The following YIPF1 variants were observed in gnomAD, a reference collection of about 807,000 sequenced individuals.
YIPF1 encodes the protein Yip1 domain family member 1.
In YIPF1, 22 loss-of-function variants were observed where a neutral mutation model predicts 37.0. The ratio of observed to expected loss-of-function variants is 0.59; its 90% CI spans 0.42 to 0.85. YIPF1 has a LOEUF of 0.85. Among genes scored for constraint, YIPF1 ranks in the 40% least tolerant of loss-of-function variants. The pLI is 0.00. For synonymous variants in YIPF1, 128 were observed against 131.9 expected (o/e 0.97, Z 0.21); for missense variants, 355 against 373.1 (o/e 0.95, Z 0.40).
At chr1:53,884,245 A>AAC (rs1484794655) in intron 3 of YIPF1, among the ~76,000 whole-genome samples, 3 of 151,388 alleles carry the variant, frequency 2.0e-5, no homozygotes, top group African/African-American at 7.3e-5. Context: ...AAAAAAAAAA[A>AAC]AAAAAACCCA....
In YIPF1 at chr1:53,871,377, C is replaced by T. The variant is rs141644838; in HGVS notation, c.476G>A (p.Arg159Gln). 211 of 1,612,926 alleles carry T rather than the reference C, an allele frequency of 1.3e-4. No homozygotes were observed. Among genetic ancestry groups the T allele is most frequent in the Non-Finnish European group, 1.7e-4 (197 of 1,179,440 alleles). ...GAGTCAAGCTATTCACCAACCTTTT[C>T]GGAATTCGGGCACATAATGGTACGT... ...EKTYHYVPEF[R>Q]KVSIAATIIY... The change falls in exon 7 of 11, where the codon CGA (arginine) becomes CAA (glutamine). Residue 159 changes from arginine (R) to glutamine (Q), a missense_variant. Arg to Gln is a conservative substitution (Grantham distance 43). Coordinates refer to ENST00000072644, the MANE Select transcript of YIPF1 (RefSeq NM_018982.5).
chr1:53,866,866 C>G lies in YIPF1; in HGVS notation c.540G>C (p.Trp180Cys). ...TGCTGTTTCTCCACATGAGGAAACC[C>G]CAGAGTGCAAGAGGAACCAGCCAGG... Reference protein sequence around the residue: ...AYAWLVPLALWGFLMWRNSKV... With the variant: ...AYAWLVPLALCGFLMWRNSKV... The change falls in exon 8 of 11, where the codon TGG becomes TGC. Residue 180 changes from tryptophan to cysteine, a missense_variant. Coordinates refer to ENST00000072644, the MANE Select transcript of YIPF1 (RefSeq NM_018982.5). 6.2e-7 allele frequency: 1 copy of G among 1,614,090 alleles called. No individual in the cohort carries two copies. The highest frequency in any genetic ancestry group is 8.5e-7 in the Non-Finnish European group (1 of 1,180,022).
intron 3 of YIPF1, among the ~76,000 whole-genome samples, chr1:53,885,403 G>C (rs1650618120): frequency 6.6e-6 from 1 of 152,190 alleles, no homozygotes. Context: ...AGCTACTTGG[G>C]ACGCTGAGGC....
intron 3 of YIPF1, among the ~76,000 whole-genome samples, chr1:53,885,775 A>T (rs1200386299): frequency 6.8e-6 from 1 of 147,614 alleles, no homozygotes; most frequent in Non-Finnish European, 1.5e-5. Flanking sequence ...ATCTGAGATC[A>T]TGTCACTGCA....
intron 10 of YIPF1, among the ~76,000 whole-genome samples, chr1:53,858,898 A>G (rs1035266586): frequency 1.3e-5 from 2 of 152,138 alleles, no homozygotes; most frequent in African/African-American, 4.8e-5. Flanking sequence ...GGCCTCCCAG[A>G]GTGCTGGGAT....
chr1:53,855,116 G>A (rs771582132), intron 10 of YIPF1: 5 of 150,934 alleles, frequency 3.3e-5, no homozygotes, highest in African/African-American at 1.2e-4. Context: ...TTGACAATGT[G>A]AGCGAGTGAC....
In YIPF1 at chr1:53,885,316, T is replaced by A. The variant is rs140415001; in HGVS notation, c.32-2040A>T. On this transcript the variant is annotated intron_variant, in intron 3 of 10. Transcript: ENST00000072644. ...AGGAAGATATACTTAACTCTCACAG[T>A]TAAAAAGCAGTAGTTAAAATAACTA... Among the ~76,000 whole-genome samples the A allele has an allele frequency of 2.0e-3, 304 of 152,246 alleles. 2 individuals carry two copies. Among genetic ancestry groups the A allele is most frequent in the South Asian group, 0.013 (64 of 4,818 alleles).
intron 8 of YIPF1, 112 bp downstream of exon 8, chr1:53,866,646 G>T: frequency 7.4e-7 from 1 of 1,350,716 alleles, no homozygotes; most frequent in East Asian, 2.4e-5. Context: ...GATTTTTTCA[G>T]AAGAACATGA....
At position 53,878,693 on chromosome 1, in the gene YIPF1, G is replaced by A. The variant is rs184195991; in HGVS notation, c.225C>T (p.Pro75=). The A allele has an allele frequency of 1.4e-4, 226 of 1,597,586 alleles. No individual in the cohort carries two copies. Among genetic ancestry groups the A allele is most frequent in the Middle Eastern group, 1.2e-3 (7 of 6,016 alleles). ...ELLAGQKKSS[P]FWTFEYYQTF... The stretch of plus-strand genomic sequence containing the variant: ...TTTGGTAGTATTCAAATGTCCAGAA[G>A]GGGGAGCTTTTCTTCTGTCCAGCAA... Residue 75 remains proline (P), a synonymous_variant, in exon 5 of 11, where the codon CCC becomes CCT. Coordinates refer to ENST00000072644, the MANE Select transcript of YIPF1 (RefSeq NM_018982.5).
At chr1:53,884,120 A>C (rs752313435) in intron 3 of YIPF1, among the ~76,000 whole-genome samples, 1 of 151,604 alleles carries the variant, frequency 6.6e-6, no homozygotes, top group Non-Finnish European at 1.5e-5. Flanking sequence ...CTATAATTCC[A>C]GCACTTTGGG....
intron 9 of YIPF1, among the ~76,000 whole-genome samples, chr1:53,864,410 G>A (rs1052200667): frequency 2.0e-5 from 3 of 152,196 alleles, no homozygotes; most frequent in South Asian, 2.1e-4. Context: ...TAAAGCTTAC[G>A]CACATGTAAA....
chr1:53,866,237 A>G lies in YIPF1; in HGVS notation c.794T>C (p.Ile265Thr). 2 of 1,614,162 alleles carry G rather than the reference A, an allele frequency of 1.2e-6. No homozygotes were observed. The highest frequency in any genetic ancestry group is 1.7e-6 in the Non-Finnish European group (2 of 1,180,010). Reference sequence around the variant, plus strand: ...AGAAAGCAGCATATGGAGCAACACAATTGTCACAATTGTGGCCAATGCAAC... The same window carrying G: ...AGAAAGCAGCATATGGAGCAACACAGTTGTCACAATTGTGGCCAATGCAAC... ...RRVALATIVT[I>T]VLLHMLLSVG... Residue 265 changes from isoleucine (I) to threonine (T), a missense_variant, in exon 9 of 11, where the codon ATT becomes ACT. Transcript: ENST00000072644.
intron 7 of YIPF1, among the ~76,000 whole-genome samples, chr1:53,867,367 C>CTTTT (rs57424528): frequency 2.4e-4 from 27 of 111,586 alleles, no homozygotes; most frequent in Non-Finnish European, 3.1e-4. Flanking sequence ...CACTGACTTC[C>CTTTT]TTTTTTTTTT....
intron 10 of YIPF1, chr1:53,855,139 T>C (rs963755115): frequency 3.3e-5 from 5 of 151,206 alleles, no homozygotes; most frequent in African/African-American, 1.2e-4. Flanking sequence ...GATAACTGCA[T>C]ACAAACCCTG....
chr1:53,889,226 G>A lies in YIPF1; in HGVS notation c.-50+18C>T, dbSNP rs1650737524. The A allele has an allele frequency of 3.0e-6, 1 of 335,908 alleles. No individual in the cohort carries two copies. The highest frequency in any genetic ancestry group is 5.6e-6 in the Non-Finnish European group (1 of 178,132). The allele number at this position is 335,908 out of a possible 1,614,324, so 20.8% of individuals were successfully genotyped here. A position where few individuals can be genotyped will look rare whatever the true frequency, so the allele number is the denominator to read the frequency against. ...CCTTATTTGGTTGTGTATGTACCAG[G>A]AATGAATCTCAACTCACTGTGTGAA... On this transcript the variant is annotated intron_variant, in intron 2 of 10. Coordinates refer to ENST00000072644, the MANE Select transcript of YIPF1 (RefSeq NM_018982.5).
chr1:53,851,891 G>C lies in YIPF1; in HGVS notation c.*388C>G, dbSNP rs910091095. ...TGGAGAGAAGAGGATCCCCCAGGTA[G>C]TCTGTACATAATTCAGAGAGAGGAC... On this transcript the variant is annotated 3_prime_UTR_variant, in exon 11 of 11. Coordinates refer to ENST00000072644, the MANE Select transcript of YIPF1 (RefSeq NM_018982.5). 1 of 152,204 alleles carries C rather than the reference G, an allele frequency of 6.6e-6. No homozygotes were observed. The highest frequency in any genetic ancestry group is 2.4e-5 in the African/African-American group (1 of 41,460). 9.4% of individuals were successfully genotyped at this position (152,204 alleles called of 1,614,324 possible).
At chr1:53,858,230 A>G (rs901274758) in intron 10 of YIPF1, among the ~76,000 whole-genome samples, 2 of 152,204 alleles carry the variant, frequency 1.3e-5, no homozygotes, top group African/African-American at 4.8e-5. Flanking sequence ...ACATTTTACA[A>G]TAGTTCCCAG....
intron 10 of YIPF1, among the ~76,000 whole-genome samples, chr1:53,853,285 G>A (rs960697470): frequency 6.6e-6 from 1 of 152,292 alleles, no homozygotes; most frequent in Admixed American, 6.5e-5. Flanking sequence ...CCAGGCGAGG[G>A]TGTAATAAAG....
At chr1:53,864,540 A>T (rs1022702868) in intron 9 of YIPF1, among the ~76,000 whole-genome samples, 3 of 152,356 alleles carry the variant, frequency 2.0e-5, no homozygotes, top group Admixed American at 6.5e-5. Context: ...GCATTTAATG[A>T]GACATGGTTA....
Sources: allele counts gnomAD v4.1 joint callset (sites outside exome capture counted in the v4.1 genomes callset), GRCh38; gene constraint gnomAD v4.1.1; transcripts MANE v1.5; gene names NCBI Gene and HGNC (gene_info 2026-07-23, HGNC 2026-07-21).